CLSTN2: variants seen among roughly 807,000 people sequenced by gnomAD.
The protein encoded by CLSTN2 is calsyntenin 2, also known as calsyntenin-2.
CLSTN2 carries 48 observed loss-of-function variants against 101.2 expected under a neutral mutation model. The observed-to-expected ratio is 0.47, with a 90% CI of 0.38 to 0.60. The LOEUF is 0.60. CLSTN2 is among the 20% of genes least tolerant of loss of function. The probability of loss-of-function intolerance (pLI) is 0.00; values close to 1 mark genes in which losing one functional copy is unlikely to be tolerated. For missense variants in CLSTN2, 1,160 were observed against 1,238.2 expected, an observed-to-expected ratio of 0.94 and a Z score of 0.95; for synonymous variants, 481 against 463.6, an observed-to-expected ratio of 1.04 and a Z score of -0.48.
intron 7 of CLSTN2, chr3:140,461,156 T>A (rs2108017350): frequency 6.6e-6 from 1 of 152,330 alleles, no homozygotes; most frequent in South Asian, 2.1e-4. Flanking sequence ...TTGATCTTTA[T>A]AATAAATGTT....
At chr3:140,336,509 C>T (rs1294324422) in intron 2 of CLSTN2, among the ~76,000 whole-genome samples, 1 of 152,154 alleles carries the variant, frequency 6.6e-6, no homozygotes, top group African/African-American at 2.4e-5. Flanking sequence ...AGAGAATCTC[C>T]TGAGGTGTGC....
chr3:140,035,448 C>T (rs2007634960), intron 1 of CLSTN2, among the ~76,000 whole-genome samples: 1 of 152,202 alleles, frequency 6.6e-6, no homozygotes, highest in Admixed American at 6.5e-5. Context: ...TCCATAGCAG[C>T]CAATGTGAGC....
chr3:140,168,897 TTTGC>T (rs2010172819), intron 1 of CLSTN2, among the ~76,000 whole-genome samples: 1 of 152,092 alleles, frequency 6.6e-6, no homozygotes, highest in South Asian at 2.1e-4. Flanking sequence ...TTAGGGTAGG[TTTGC>T]AGTAAGTTTC....
chr3:140,375,977 A>T (rs928053723), intron 2 of CLSTN2, among the ~76,000 whole-genome samples: 1 of 152,168 alleles, frequency 6.6e-6, no homozygotes, highest in Non-Finnish European at 1.5e-5. Context: ...GAAAAATATC[A>T]AAAAAAGAAG....
chr3:140,442,483 C>T (rs1932949353), intron 5 of CLSTN2, among the ~76,000 whole-genome samples: 1 of 152,206 alleles, frequency 6.6e-6, no homozygotes, highest in Non-Finnish European at 1.5e-5. Context: ...CCTCTGCCCC[C>T]TCCCCTGCCT....
chr3:139,948,452 G>T (rs981277808), intron 1 of CLSTN2, among the ~76,000 whole-genome samples: 1 of 150,944 alleles, frequency 6.6e-6, no homozygotes, highest in Non-Finnish European at 1.5e-5. Flanking sequence ...GTGACAGAGC[G>T]ACTCCATCTC....
At chr3:140,006,515 C>T (rs549154432) in intron 1 of CLSTN2, among the ~76,000 whole-genome samples, 73 of 152,290 alleles carry the variant, frequency 4.8e-4, no homozygotes, top group African/African-American at 1.7e-3. Context: ...GGAATCCACG[C>T]TTAATCTCTC....
At chr3:140,257,560 GGGTGTGTGT>G (rs1559821160) in intron 2 of CLSTN2, among the ~76,000 whole-genome samples, 6 of 114,220 alleles carry the variant, frequency 5.3e-5, no homozygotes, top group Non-Finnish European at 6.9e-5. Flanking sequence ...TTCTTTCTAG[GGGTGTGTGT>G]GTGTGTGTGT....
At chr3:140,287,575 G>A (rs149327077) in intron 2 of CLSTN2, among the ~76,000 whole-genome samples, 125 of 152,158 alleles carry the variant, frequency 8.2e-4, no homozygotes, top group Middle Eastern at 3.4e-3. Flanking sequence ...TTAAAGGTTG[G>A]CCAGTTAATG....
At chr3:139,983,584 G>T (rs1026480460) in intron 1 of CLSTN2, among the ~76,000 whole-genome samples, 7 of 152,042 alleles carry the variant, frequency 4.6e-5, no homozygotes, top group African/African-American at 1.7e-4. Context: ...CTGTCTACTG[G>T]ATTTCTAAAA....
chr3:140,564,920 G>A (rs1173171557), intron 16 of CLSTN2, among the ~76,000 whole-genome samples: 4 of 152,158 alleles, frequency 2.6e-5, no homozygotes, highest in East Asian at 3.9e-4. Context: ...GCTTAGAAAA[G>A]GTAGGGGAAG....
At chr3:140,187,507 T>C (rs13076322) in intron 2 of CLSTN2, among the ~76,000 whole-genome samples, 2 of 152,088 alleles carry the variant, frequency 1.3e-5, no homozygotes, top group East Asian at 3.9e-4. Flanking sequence ...AGTGATACTG[T>C]TCTTTCTATA....
intron 1 of CLSTN2, among the ~76,000 whole-genome samples, chr3:140,027,850 C>G (rs1392162834): frequency 6.6e-6 from 1 of 152,198 alleles, no homozygotes; most frequent in Non-Finnish European, 1.5e-5. Context: ...GGTAGCAGCT[C>G]ACTCCGTGGT....
chr3:140,569,833 C>T lies in CLSTN2; in HGVS notation c.*3580C>T, dbSNP rs1410889147. The T allele has an allele frequency of 6.6e-6, 1 of 152,246 alleles. No individual in the cohort carries two copies. Among genetic ancestry groups the T allele is most frequent in the Non-Finnish European group, 1.5e-5 (1 of 68,076 alleles). The allele number at this position is 152,246 out of a possible 1,614,324, so 9.4% of individuals were successfully genotyped here. A position where few individuals can be genotyped will look rare whatever the true frequency, so the allele number is the denominator to read the frequency against. ...AGCTGGGATTACAGGCATCCACCAC[C>T]ATGCCCAGCTAATTTTTGTATTTTT... On this transcript the variant is annotated 3_prime_UTR_variant, in exon 17 of 17. Coordinates refer to ENST00000458420, the MANE Select transcript of CLSTN2 (RefSeq NM_022131.3).
chr3:139,967,863 A>AATGTGCAGGC (rs1444124445), intron 1 of CLSTN2, among the ~76,000 whole-genome samples: 1 of 152,046 alleles, frequency 6.6e-6, no homozygotes, highest in African/African-American at 2.4e-5. Flanking sequence ...GGCAGAAACT[A>AATGTGCAGGC]CCCATTTTTC....
chr3:140,268,961 G>T (rs993458022), intron 2 of CLSTN2, among the ~76,000 whole-genome samples: 1 of 152,166 alleles, frequency 6.6e-6, no homozygotes, highest in African/African-American at 2.4e-5. Context: ...CTATATAGAA[G>T]TTAAATATTG....
At position 140,025,971 on chromosome 3, in the gene CLSTN2, G is replaced by C. The variant is rs192398238; in HGVS notation, c.109+90488G>C. On this transcript the variant is annotated intron_variant, in intron 1 of 16. Transcript: ENST00000458420. The stretch of plus-strand genomic sequence containing the variant: ...GTGGTTGCTGCTGCTGATAGTGAAG[G>C]TGATCCCTTGTTCCCTTCCCTCCTG... Among the ~76,000 whole-genome samples, 421 of 152,298 alleles carry C rather than the reference G, an allele frequency of 2.8e-3. 1 individual carries two copies. The highest frequency in any genetic ancestry group is 5.1e-3 in the Non-Finnish European group (344 of 68,026).
chr3:140,292,605 A>G (rs1215328124), intron 2 of CLSTN2, among the ~76,000 whole-genome samples: 1 of 152,204 alleles, frequency 6.6e-6, no homozygotes, highest in African/African-American at 2.4e-5. Flanking sequence ...CTGCATAGAG[A>G]AGAGAATCAT....
At chr3:140,295,841 G>A (rs2086997874) in intron 2 of CLSTN2, among the ~76,000 whole-genome samples, 3 of 152,130 alleles carry the variant, frequency 2.0e-5, no homozygotes. Flanking sequence ...AAGGTGAGTG[G>A]AGGGTTCATA....
Sources: gnomAD v4.1 joint callset for allele counts (sites outside exome capture counted in the v4.1 genomes callset) on GRCh38, gnomAD v4.1.1 for gene constraint, MANE v1.5 for transcripts, NCBI Gene and HGNC (gene_info 2026-07-23, HGNC 2026-07-21) for gene names.